FRMD5: variants seen among roughly 807,000 people sequenced by gnomAD.
FRMD5 encodes the protein FERM domain containing 5, also known as FERM domain-containing protein 5.
FRMD5 carries 20 observed loss-of-function variants against 69.0 expected under a neutral mutation model. The ratio of observed to expected loss-of-function variants is 0.29; its 90% CI spans 0.20 to 0.42. The LOEUF is 0.42. Among genes scored for constraint, FRMD5 ranks in the 10% least tolerant of loss-of-function variants. The pLI, the probability that FRMD5 is intolerant of heterozygous loss-of-function variation, is 1.00. For synonymous variants in FRMD5, 271 were observed against 260.1 expected, an observed-to-expected ratio of 1.04 and a Z score of -0.40; for missense variants, 595 against 708.6, an observed-to-expected ratio of 0.84 and a Z score of 1.82.
chr15:43,962,934 A>G (rs910722619), intron 1 of FRMD5, among the ~76,000 whole-genome samples: 2 of 152,238 alleles, frequency 1.3e-5, no homozygotes, highest in African/African-American at 4.8e-5. Context: ...TACATGTTAG[A>G]CCTAAAACCA....
At chr15:43,976,830 C>CTT (rs35536383) in intron 1 of FRMD5, among the ~76,000 whole-genome samples, 2 of 144,168 alleles carry the variant, frequency 1.4e-5, no homozygotes, top group African/African-American at 2.5e-5. Flanking sequence ...CCATGACCAA[C>CTT]TTTTTTTTTT....
chr15:43,982,594 A>AT (rs1308492542), intron 1 of FRMD5, among the ~76,000 whole-genome samples: 3 of 152,142 alleles, frequency 2.0e-5, no homozygotes, highest in South Asian at 2.1e-4. Context: ...CCTTTGTGGC[A>AT]TTTTTCCCCC....
intron 1 of FRMD5, among the ~76,000 whole-genome samples, chr15:43,962,685 A>G (rs1390571112): frequency 3.9e-5 from 6 of 152,256 alleles, no homozygotes; most frequent in Non-Finnish European, 8.8e-5. Flanking sequence ...CAAAATCAGC[A>G]TGGTACTGGT....
chr15:44,051,975 T>C (rs1892687088), intron 1 of FRMD5, among the ~76,000 whole-genome samples: 1 of 152,148 alleles, frequency 6.6e-6, no homozygotes, highest in Admixed American at 6.5e-5. Flanking sequence ...ACTGTAAAGT[T>C]AACTCTTTTT....
rs1265708159 is a variant in FRMD5 at position 44,156,692 on chromosome 15, AC to A, written c.102+38260del. Among the ~76,000 whole-genome samples the A allele has an allele frequency of 2.0e-5, 3 of 152,206 alleles. No individual in the cohort carries two copies. In the East Asian group the frequency reaches 5.8e-4, roughly 29 times the overall value. On this transcript the variant is annotated intron_variant, in intron 1 of 13. Coordinates refer to ENST00000417257, the MANE Select transcript of FRMD5 (RefSeq NM_032892.5). ...GCTTATGAACATAAATCTCATCTCTACCCTGTCATTTGGAAGTATGAAAATA... is the reference window on the plus strand; with the variant it reads ...GCTTATGAACATAAATCTCATCTCTACCTGTCATTTGGAAGTATGAAAATA...
At chr15:43,920,779 T>C (rs1223240031) in intron 2 of FRMD5, among the ~76,000 whole-genome samples, 1 of 152,232 alleles carries the variant, frequency 6.6e-6, no homozygotes, top group Non-Finnish European at 1.5e-5. Flanking sequence ...AGGTAGCTGC[T>C]GAATGGCAAA....
chr15:43,877,522 T>C (rs984575488), intron 13 of FRMD5, among the ~76,000 whole-genome samples: 8 of 152,176 alleles, frequency 5.3e-5, no homozygotes, highest in African/African-American at 1.9e-4. Context: ...TTAAGGATTC[T>C]CCAGAGGAAT....
intron 1 of FRMD5, among the ~76,000 whole-genome samples, chr15:43,926,975 G>A (rs944950335): frequency 6.7e-6 from 1 of 149,638 alleles, no homozygotes; most frequent in Non-Finnish European, 1.5e-5. Flanking sequence ...GTAAAAATAG[G>A]TGCCACTGCA....
chr15:44,179,504 T>C (rs571175609), intron 1 of FRMD5, among the ~76,000 whole-genome samples: 17 of 152,364 alleles, frequency 1.1e-4, no homozygotes, highest in African/African-American at 4.1e-4. Flanking sequence ...ATCAGTTGAA[T>C]GAGCATATAA....
intron 1 of FRMD5, among the ~76,000 whole-genome samples, chr15:44,100,235 T>TA (rs2076618996): frequency 6.6e-6 from 1 of 151,248 alleles, no homozygotes; most frequent in Non-Finnish European, 1.5e-5. Flanking sequence ...TTTTTTTTTT[T>TA]AAGTAGAGAG....
In FRMD5 at chr15:43,874,132, G is replaced by A. The variant is rs2088248830; in HGVS notation, c.1466C>T (p.Pro489Leu). 3 of 1,614,052 alleles carry A rather than the reference G, an allele frequency of 1.9e-6. No homozygotes were observed. Among genetic ancestry groups the A allele is most frequent in the Admixed American group, 3.3e-5 (2 of 60,004 alleles). ...AAACTTATTCACCTGTTCCTCCTCG[G>A]GCCCGCTGTGCCCCTGACACAGGGC... is the stretch of plus-strand genomic sequence containing the variant. ...LRALCQGHSG[P>L]EEEQVNKFVL... Residue 489 changes from proline to leucine, a missense_variant, in exon 14 of 14, where the codon CCC (proline) becomes CTC (leucine). Coordinates refer to ENST00000417257, the MANE Select transcript of FRMD5 (RefSeq NM_032892.5).
rs149758569 is a variant in FRMD5, at chr15:43,893,784, T to C, written c.640-1715A>G. On this transcript the variant is annotated intron_variant, in intron 7 of 13. Coordinates refer to ENST00000417257, the MANE Select transcript of FRMD5 (RefSeq NM_032892.5). Reference sequence around the variant, plus strand: ...TCAGGGCTCACCTCCCTGACACAGATTCTCAGCCTGATTGGTCGCAAGAAC... The same window carrying C: ...TCAGGGCTCACCTCCCTGACACAGACTCTCAGCCTGATTGGTCGCAAGAAC... Among the ~76,000 whole-genome samples the C allele has an allele frequency of 1.5e-3, 221 of 152,258 alleles. 4 individuals are homozygous for C. The East Asian group carries it at 0.035, about 24-fold the overall frequency.
At chr15:44,167,427 T>G (rs900616929) in intron 1 of FRMD5, among the ~76,000 whole-genome samples, 1 of 151,530 alleles carries the variant, frequency 6.6e-6, no homozygotes, top group Non-Finnish European at 1.5e-5. Context: ...GGAAGGAGAG[T>G]GTAGTAACAA....
rs568045515 is a variant in FRMD5 at position 43,976,526 on chromosome 15, GTT to G, written c.103-52219_103-52218del. Among the ~76,000 whole-genome samples the G allele has an allele frequency of 4.6e-5, 7 of 152,298 alleles. No individual in the cohort carries two copies. The South Asian group carries it at 1.4e-3, about 32-fold the overall frequency. On this transcript the variant is annotated intron_variant, in intron 1 of 13. Transcript: ENST00000417257. Reference sequence around the variant, plus strand: ...ATATATATGGATGGTGTTAGGAAGAGTTTTAAAAGGAAGAAAGTGAGAGAGAA... The same window carrying G: ...ATATATATGGATGGTGTTAGGAAGAGTTAAAAGGAAGAAAGTGAGAGAGAA...
chr15:44,091,250 T>C (rs952791135), intron 1 of FRMD5, among the ~76,000 whole-genome samples: 3 of 152,188 alleles, frequency 2.0e-5, no homozygotes, highest in African/African-American at 7.2e-5. Flanking sequence ...AACCTGTTTG[T>C]GAAACAAGCA....
intron 1 of FRMD5, among the ~76,000 whole-genome samples, chr15:44,044,085 A>G (rs1405778992): frequency 6.6e-6 from 1 of 152,204 alleles, no homozygotes; most frequent in East Asian, 1.9e-4. Context: ...ACAATAAAAA[A>G]AAACCCCATC....
chr15:44,029,931 A>C (rs1891606089), intron 1 of FRMD5, among the ~76,000 whole-genome samples: 1 of 152,180 alleles, frequency 6.6e-6, no homozygotes, highest in Admixed American at 6.6e-5. Flanking sequence ...AGCCTCTTTG[A>C]ATTATATATT....
At chr15:43,967,715 T>A (rs1432694767) in intron 1 of FRMD5, among the ~76,000 whole-genome samples, 1 of 152,168 alleles carries the variant, frequency 6.6e-6, no homozygotes, top group South Asian at 2.1e-4. Flanking sequence ...CTATATTTCA[T>A]GCATTTCCTA....
At chr15:44,153,296 T>G (rs1289240143) in intron 1 of FRMD5, among the ~76,000 whole-genome samples, 10 of 152,180 alleles carry the variant, frequency 6.6e-5, no homozygotes. Flanking sequence ...TCACAATAGC[T>G]AAAATGTAGA....
Sources: gnomAD v4.1 joint callset for allele counts (sites outside exome capture counted in the v4.1 genomes callset) on GRCh38, gnomAD v4.1.1 for gene constraint, MANE v1.5 for transcripts, NCBI Gene and HGNC (gene_info 2026-07-23, HGNC 2026-07-21) for gene names.